ZNF704: variants seen among roughly 807,000 people sequenced by gnomAD.
ZNF704 encodes glucocorticoid induced gene 1.
Under a neutral mutation model 44.7 loss-of-function variants are expected in ZNF704, and 10 were observed. The observed-to-expected ratio is 0.22, with a 90% CI of 0.14 to 0.38. The LOEUF is 0.38. Among genes scored for constraint, ZNF704 ranks in the 10% least tolerant of loss-of-function variants. The pLI is 1.00. For missense variants in ZNF704, 390 were observed against 545.5 expected, an observed-to-expected ratio of 0.71 and a Z score of 2.84; for synonymous variants, 211 against 207.6, an observed-to-expected ratio of 1.02 and a Z score of -0.14.
chr8:80,777,894 AAAG>A (rs1807442666), intron 2 of ZNF704, among the ~76,000 whole-genome samples: 1 of 152,014 alleles, frequency 6.6e-6, no homozygotes, highest in Admixed American at 6.6e-5. Flanking sequence ...AAAAAAAAAA[AAAG>A]AAGAAAGTAA....
intron 2 of ZNF704, among the ~76,000 whole-genome samples, chr8:80,721,135 G>A (rs918414313): frequency 1.2e-4 from 18 of 152,184 alleles, no homozygotes; most frequent in African/African-American, 4.3e-4. Context: ...GCTCAGCACT[G>A]TCTCCTATGC....
chr8:80,795,145 C>CA (rs1359746219), intron 2 of ZNF704, among the ~76,000 whole-genome samples: 1 of 152,164 alleles, frequency 6.6e-6, no homozygotes, highest in Admixed American at 6.5e-5. Flanking sequence ...AATAACAACA[C>CA]AGAGACTCAG....
chr8:80,843,408 TTC>T (rs1317825639), intron 1 of ZNF704, among the ~76,000 whole-genome samples: 3 of 152,316 alleles, frequency 2.0e-5, no homozygotes, highest in East Asian at 1.9e-4. Flanking sequence ...AGGTCACACA[TTC>T]TGTTTTTTAA....
At chr8:80,676,946 C>T (rs146786518) in intron 4 of ZNF704, among the ~76,000 whole-genome samples, 287 of 152,248 alleles carry the variant, frequency 1.9e-3, no homozygotes, top group African/African-American at 6.6e-3. Context: ...CGGCTGTGTG[C>T]GGACTGATAA....
chr8:80,881,912 A>T, the ZNF704 span, among the ~76,000 whole-genome samples: 5 of 152,186 alleles, frequency 3.3e-5, no homozygotes, highest in African/African-American at 1.2e-4. Flanking sequence ...TGGGCAACAG[A>T]CCGAGACTCT....
chr8:80,882,095 A>C, the ZNF704 span, among the ~76,000 whole-genome samples: 1 of 152,236 alleles, frequency 6.6e-6, no homozygotes, highest in East Asian at 1.9e-4. Context: ...CTTTGTACAG[A>C]AAGTATTATA....
chr8:80,681,019 T>G (rs940088857), intron 4 of ZNF704, among the ~76,000 whole-genome samples: 35 of 152,348 alleles, frequency 2.3e-4, no homozygotes, highest in African/African-American at 8.4e-4. Flanking sequence ...ATGTTTTTTT[T>G]GATTCACTCA....
chr8:80,773,363 C>A (rs548379456), intron 2 of ZNF704, among the ~76,000 whole-genome samples: 2 of 152,284 alleles, frequency 1.3e-5, no homozygotes, highest in East Asian at 3.9e-4. Flanking sequence ...GGTGTCATCA[C>A]TTTACCAGTT....
intron 7 of ZNF704, among the ~76,000 whole-genome samples, chr8:80,650,665 G>A (rs1179975481): frequency 6.6e-6 from 1 of 152,226 alleles, no homozygotes. Context: ...ATGGGACTAT[G>A]TGAAAAGACC....
chr8:80,654,150 A>AC (rs1817969517), intron 7 of ZNF704, among the ~76,000 whole-genome samples: 1 of 151,762 alleles, frequency 6.6e-6, no homozygotes, highest in Non-Finnish European at 1.5e-5. Flanking sequence ...TAGAAAGCTG[A>AC]AACTGGATCC....
At chr8:80,711,221 C>T (rs1023826521) in intron 2 of ZNF704, among the ~76,000 whole-genome samples, 1 of 152,178 alleles carries the variant, frequency 6.6e-6, no homozygotes, top group East Asian at 1.9e-4. Flanking sequence ...TGACAGACAT[C>T]AGAGGCTCTA....
At chr8:80,850,584 T>C (rs1808841965) in intron 1 of ZNF704, among the ~76,000 whole-genome samples, 1 of 152,138 alleles carries the variant, frequency 6.6e-6, no homozygotes, top group Admixed American at 6.5e-5. Flanking sequence ...TATATGCTTT[T>C]TGTTGTTTTA....
At position 80,636,962 on chromosome 8, in the gene ZNF704, G is replaced by C. The variant is rs1817672399; in HGVS notation, c.*4404C>G. On this transcript the variant is annotated 3_prime_UTR_variant, in exon 9 of 9. Transcript: ENST00000327835. Reference sequence around the variant, plus strand: ...TAGCTAATAAACAGTCATCCATTGGGTAATGATAAAAAGGACCAGCAAGGC... The same window carrying C: ...TAGCTAATAAACAGTCATCCATTGGCTAATGATAAAAAGGACCAGCAAGGC... The C allele has an allele frequency of 6.6e-6, 1 of 152,182 alleles. No homozygotes were observed. The highest frequency in any genetic ancestry group is 6.5e-5 in the Admixed American group (1 of 15,282). 9.4% of individuals were successfully genotyped at this position (152,182 alleles called of 1,614,324 possible). A position where few individuals can be genotyped will look rare whatever the true frequency, so the allele number is the denominator to read the frequency against.
chr8:80,800,864 G>A (rs1051748879), intron 2 of ZNF704, among the ~76,000 whole-genome samples: 1 of 152,012 alleles, frequency 6.6e-6, no homozygotes, highest in African/African-American at 2.4e-5. Context: ...GACACAGAAT[G>A]GCAAGCTAGA....
chr8:80,810,017 G>C (rs1043952051), intron 2 of ZNF704, among the ~76,000 whole-genome samples: 4 of 151,984 alleles, frequency 2.6e-5, no homozygotes, highest in African/African-American at 9.7e-5. Flanking sequence ...ATGGCCTCTT[G>C]AACACAGCCC....
intron 2 of ZNF704, among the ~76,000 whole-genome samples, chr8:80,696,540 C>A (rs1195167766): frequency 6.6e-6 from 1 of 152,128 alleles, no homozygotes; most frequent in Admixed American, 6.5e-5. Flanking sequence ...GCTTCAGCCT[C>A]CCGAGTAGCT....
intron 7 of ZNF704, among the ~76,000 whole-genome samples, chr8:80,650,743 C>T (rs1817904318): frequency 6.6e-6 from 1 of 152,226 alleles, no homozygotes; most frequent in African/African-American, 2.4e-5. Context: ...AAACACTCTG[C>T]AGGATATTAT....
At chr8:80,645,724 T>C (rs763571687) in intron 7 of ZNF704, among the ~76,000 whole-genome samples, 104 of 152,346 alleles carry the variant, frequency 6.8e-4, no homozygotes, top group Admixed American at 1.9e-3. Context: ...GTGCTTCCTG[T>C]ACAGCCTGTA....
intron 2 of ZNF704, among the ~76,000 whole-genome samples, chr8:80,787,341 C>CA (rs949534827): frequency 2.6e-5 from 4 of 152,176 alleles, no homozygotes; most frequent in African/African-American, 9.7e-5. Context: ...CACACACACT[C>CA]ACCTTAAAGG....
Sources: gnomAD v4.1 joint callset for allele counts (sites outside exome capture counted in the v4.1 genomes callset) on GRCh38, gnomAD v4.1.1 for gene constraint, MANE v1.5 for transcripts, NCBI Gene and HGNC (gene_info 2026-07-23, HGNC 2026-07-21) for gene names.